The following B3GALT1 variants were observed in gnomAD, a reference collection of about 807,000 sequenced individuals.
B3GALT1 encodes beta-1,3-galactosyltransferase 1, also known as UDP-Gal:betaGlcNAc beta 1,3-galactosyltransferase, polypeptide 1.
Under a neutral mutation model 23.2 loss-of-function variants are expected in B3GALT1, and 10 were observed. The observed-to-expected ratio is 0.43, with a 90% CI of 0.27 to 0.73. The LOEUF is 0.73. Ranked by LOEUF, B3GALT1 falls within the 30% of genes least tolerant of loss-of-function variation. The pLI, the probability that B3GALT1 is intolerant of heterozygous loss-of-function variation, is 0.21. For synonymous variants in B3GALT1, 156 were observed against 141.5 expected (o/e 1.10, Z -0.73); for missense variants, 299 against 405.4 (o/e 0.74, Z 2.25).
chr2:167,422,260 C>T (rs1435346014), intron 1 of B3GALT1, among the ~76,000 whole-genome samples: 2 of 151,400 alleles, frequency 1.3e-5, no homozygotes, highest in African/African-American at 2.4e-5. Flanking sequence ...GCCTCTGCCT[C>T]TCTCTGCTAT....
rs147760328 is a variant in B3GALT1, at chr2:167,556,768, A to G, written c.-410+66491A>G. On this transcript the variant is annotated intron_variant, in intron 2 of 4. Coordinates refer to ENST00000392690, the MANE Select transcript of B3GALT1 (RefSeq NM_020981.4). ...ACTGCAACTTCATAGAGGAATGAAC[A>G]TTCTAGGTATGTATGCTACACTATT... is the stretch of plus-strand genomic sequence containing the variant. Among the ~76,000 whole-genome samples the G allele has an allele frequency of 4.0e-3, 604 of 152,334 alleles. 4 individuals are homozygous for G. The highest frequency in any genetic ancestry group is 0.013 in the African/African-American group (560 of 41,574).
At chr2:167,649,415 G>A (rs1320274642) in intron 3 of B3GALT1, among the ~76,000 whole-genome samples, 1 of 151,832 alleles carries the variant, frequency 6.6e-6, no homozygotes, top group South Asian at 2.1e-4. Context: ...AAATATTTTT[G>A]TCACCCCCAA....
intron 3 of B3GALT1, among the ~76,000 whole-genome samples, chr2:167,809,847 G>A (rs1344797022): frequency 3.3e-5 from 5 of 152,062 alleles, no homozygotes; most frequent in African/African-American, 1.2e-4. Context: ...AGAGGATTCT[G>A]CTGCCTTTTG....
chr2:167,740,448 C>T (rs1378868929), intron 3 of B3GALT1, among the ~76,000 whole-genome samples: 1 of 151,868 alleles, frequency 6.6e-6, no homozygotes, highest in Non-Finnish European at 1.5e-5. Context: ...TGACTTGGAT[C>T]CAAAATGATA....
intron 1 of B3GALT1, among the ~76,000 whole-genome samples, chr2:167,484,239 G>A (rs957467093): frequency 1.3e-5 from 2 of 151,936 alleles, no homozygotes; most frequent in Admixed American, 1.3e-4. Context: ...TTTTTGGGAG[G>A]GAGTGGAGTG....
At chr2:167,522,827 C>G (rs1700209912) in intron 2 of B3GALT1, among the ~76,000 whole-genome samples, 1 of 152,090 alleles carries the variant, frequency 6.6e-6, no homozygotes, top group Admixed American at 6.6e-5. Flanking sequence ...AATGAGTGTT[C>G]TTTGTGAACC....
rs111557146 is a variant in B3GALT1, at chr2:167,802,251, A to G, written c.-351-16421A>G. ...TAGCATGTGGTGAACATGATTGTCAATTTGGGGGGCAGCCTCTGAAGTTAC... is the reference window on the plus strand; with the variant it reads ...TAGCATGTGGTGAACATGATTGTCAGTTTGGGGGGCAGCCTCTGAAGTTAC... On this transcript the variant is annotated intron_variant, in intron 3 of 4. Transcript: ENST00000392690. Among the ~76,000 whole-genome samples the G allele has an allele frequency of 4.0e-3, 602 of 152,334 alleles. 4 individuals are homozygous for G. Among genetic ancestry groups the G allele is most frequent in the African/African-American group, 0.013 (546 of 41,580 alleles).
intron 3 of B3GALT1, among the ~76,000 whole-genome samples, chr2:167,721,926 C>T (rs1371153238): frequency 1.3e-5 from 2 of 152,186 alleles, no homozygotes. Context: ...TTTTTCTGAA[C>T]TCTTGGAGGG....
chr2:167,844,041 G>A (rs957973406), intron 4 of B3GALT1, among the ~76,000 whole-genome samples: 2 of 152,148 alleles, frequency 1.3e-5, no homozygotes, highest in African/African-American at 2.4e-5. Flanking sequence ...CCTATTAGAC[G>A]AAATATCTAA....
At chr2:167,710,326 C>G (rs1687029157) in intron 3 of B3GALT1, among the ~76,000 whole-genome samples, 1 of 152,174 alleles carries the variant, frequency 6.6e-6, no homozygotes, top group Non-Finnish European at 1.5e-5. Context: ...AGAATAGACC[C>G]AGTAGGGTGT....
chr2:167,439,303 T>C (rs1698839661), intron 1 of B3GALT1, among the ~76,000 whole-genome samples: 1 of 152,232 alleles, frequency 6.6e-6, no homozygotes, highest in Non-Finnish European at 1.5e-5. Flanking sequence ...TATATCATCT[T>C]AAGCCACATC....
intron 2 of B3GALT1, among the ~76,000 whole-genome samples, chr2:167,623,660 G>A (rs1291670561): frequency 6.6e-6 from 1 of 151,996 alleles, no homozygotes; most frequent in Non-Finnish European, 1.5e-5. Flanking sequence ...TAGATGACGG[G>A]TTGATGGGTG....
chr2:167,533,264 A>G (rs970626693), intron 2 of B3GALT1, among the ~76,000 whole-genome samples: 1 of 151,972 alleles, frequency 6.6e-6, no homozygotes, highest in Non-Finnish European at 1.5e-5. Flanking sequence ...TCATCTTTGC[A>G]TTCTGTCTTT....
At chr2:167,669,849 G>T (rs1047515073) in intron 3 of B3GALT1, among the ~76,000 whole-genome samples, 1 of 152,022 alleles carries the variant, frequency 6.6e-6, no homozygotes, top group African/African-American at 2.4e-5. Context: ...CAAGAAGCCC[G>T]CCAATTTCTC....
chr2:167,491,365 G>T (rs1387910488), intron 2 of B3GALT1, among the ~76,000 whole-genome samples: 1 of 152,044 alleles, frequency 6.6e-6, no homozygotes, highest in Non-Finnish European at 1.5e-5. Context: ...GAAACCAGGG[G>T]TATCACCATA....
intron 2 of B3GALT1, among the ~76,000 whole-genome samples, chr2:167,496,408 T>G (rs2105345585): frequency 6.6e-6 from 1 of 152,198 alleles, no homozygotes; most frequent in Non-Finnish European, 1.5e-5. Context: ...GGAGATGGAT[T>G]AAAGAGAAGA....
At chr2:167,542,417 C>G (rs559227804) in intron 2 of B3GALT1, among the ~76,000 whole-genome samples, 30 of 152,144 alleles carry the variant, frequency 2.0e-4, no homozygotes, top group Admixed American at 8.5e-4. Flanking sequence ...AAAATGTGGC[C>G]AAATCAGGGT....
chr2:167,427,747 C>T (rs1033682021), intron 1 of B3GALT1, among the ~76,000 whole-genome samples: 6 of 152,024 alleles, frequency 3.9e-5, no homozygotes, highest in Admixed American at 1.3e-4. Context: ...TTGCCCAGGC[C>T]GGTCTCAAAC....
chr2:167,524,704 T>A (rs1376888616), intron 2 of B3GALT1, among the ~76,000 whole-genome samples: 1 of 152,196 alleles, frequency 6.6e-6, no homozygotes. Flanking sequence ...CATCAGACAG[T>A]ACTTCTCCCA....
Sources: allele counts gnomAD v4.1 joint callset (sites outside exome capture counted in the v4.1 genomes callset), GRCh38; gene constraint gnomAD v4.1.1; transcripts MANE v1.5; gene names NCBI Gene and HGNC (gene_info 2026-07-23, HGNC 2026-07-21).